The following POU2F3 variants were observed in gnomAD, a reference collection of about 807,000 sequenced individuals.
POU2F3 encodes POU class 2 homeobox 3.
POU2F3 carries 23 observed loss-of-function variants against 59.2 expected under a neutral mutation model. The ratio of observed to expected loss-of-function variants is 0.39; its 90% CI spans 0.28 to 0.55. The LOEUF is 0.55. Ranked by LOEUF, POU2F3 falls within the 20% of genes least tolerant of loss-of-function variation. The pLI, the probability that POU2F3 is intolerant of heterozygous loss-of-function variation, is 0.66. For missense variants in POU2F3, 473 were observed against 544.5 expected, an observed-to-expected ratio of 0.87 and a Z score of 1.31; for synonymous variants, 190 against 214.6, an observed-to-expected ratio of 0.89 and a Z score of 1.00.
rs1245440435 is a variant in POU2F3, at chr11:120,319,366, G to C, written c.*974G>C. 4 of 152,030 alleles carry C rather than the reference G, an allele frequency of 2.6e-5. No homozygotes were observed. The highest frequency in any genetic ancestry group is 5.9e-5 in the Non-Finnish European group (4 of 67,926). 9.4% of individuals were successfully genotyped at this position (152,030 alleles called of 1,614,324 possible). A position where few individuals can be genotyped will look rare whatever the true frequency, so the allele number is the denominator to read the frequency against. On this transcript the variant is annotated 3_prime_UTR_variant, in exon 13 of 13. Transcript: ENST00000543440. ...AATATTTTATCTTCTTTAAAAAAAA[G>C]GGGGGGAAATACCAAAGTGTGAAAT...
rs529733082 is a variant in POU2F3, at chr11:120,316,921, T to C, written c.1136-308T>C. The stretch of plus-strand genomic sequence containing the variant: ...GGTCTGGGGCTGCATGTGCCCAGCC[T>C]AGGGTGTGTCCTAGAGTAGGATGAT... On this transcript the variant is annotated intron_variant, in intron 11 of 12. Transcript: ENST00000543440. Among the ~76,000 whole-genome samples the C allele has an allele frequency of 7.3e-3, 1,110 of 152,306 alleles. 13 individuals carry two copies. Among genetic ancestry groups the C allele is most frequent in the African/African-American group, 0.025 (1,055 of 41,566 alleles).
intron 3 of POU2F3, among the ~76,000 whole-genome samples, chr11:120,270,476 GT>G (rs1940015115): frequency 6.6e-6 from 1 of 152,200 alleles, no homozygotes; most frequent in African/African-American, 2.4e-5. Context: ...ATCTGAGTCT[GT>G]CTCTGAAGGA....
chr11:120,246,624 C>A, intron 2 of POU2F3, 107 bp downstream of exon 2: 1 of 1,191,908 alleles, frequency 8.4e-7, no homozygotes, highest in Non-Finnish European at 1.2e-6. Flanking sequence ...GCCAACCAGA[C>A]CCCAAAGCTA....
intron 2 of POU2F3, among the ~76,000 whole-genome samples, chr11:120,263,580 T>A (rs1939696297): frequency 6.6e-6 from 1 of 152,270 alleles, no homozygotes; most frequent in African/African-American, 2.4e-5. Flanking sequence ...ACTCAATTTT[T>A]TTCTGCGTCA....
Position 120,299,768 on chromosome 11 carries a change from A to G in POU2F3, c.361+42A>G, listed in dbSNP as rs12269875. On this transcript the variant is annotated intron_variant, in intron 5 of 12. Transcript: ENST00000543440. Reference sequence around the variant, plus strand: ...TTTCCACCTAGACCAAGTCCAGTCAAGTGCTGCTGTTGCTGCTGTTTTTTG... The same window carrying G: ...TTTCCACCTAGACCAAGTCCAGTCAGGTGCTGCTGTTGCTGCTGTTTTTTG... The G allele has an allele frequency of 7.7e-3, 11,899 of 1,547,866 alleles. 669 individuals carry two copies. The African/African-American group carries it at 0.13, about 17-fold the overall frequency.
chr11:120,251,317 C>G (rs982058053), intron 2 of POU2F3, among the ~76,000 whole-genome samples: 1 of 152,184 alleles, frequency 6.6e-6, no homozygotes, highest in African/African-American at 2.4e-5. Context: ...CCTGTGCGTG[C>G]GCACACACAC....
chr11:120,260,317 C>CAG (rs1939540521), intron 2 of POU2F3, among the ~76,000 whole-genome samples: 2 of 152,180 alleles, frequency 1.3e-5, no homozygotes, highest in African/African-American at 4.8e-5. Context: ...GCAGGACCCT[C>CAG]CTAGGGGCCC....
chr11:120,307,280 C>T (rs757391389), intron 8 of POU2F3, among the ~76,000 whole-genome samples, 199 bp from the exon 9 acceptor site: 3 of 152,180 alleles, frequency 2.0e-5, no homozygotes, highest in Non-Finnish European at 4.4e-5. Context: ...CAATGGAGGG[C>T]CACGGAGGGC....
intron 2 of POU2F3, among the ~76,000 whole-genome samples, chr11:120,249,441 C>T (rs1939008330): frequency 6.6e-6 from 1 of 152,188 alleles, no homozygotes; most frequent in Admixed American, 6.5e-5. Flanking sequence ...GAACTCCTGG[C>T]TCAAGGGATT....
intron 2 of POU2F3, among the ~76,000 whole-genome samples, chr11:120,263,680 T>C (rs1939700808): frequency 6.6e-6 from 1 of 152,232 alleles, no homozygotes; most frequent in Non-Finnish European, 1.5e-5. Context: ...TCTGAGGCTA[T>C]GTGTGGCCTC....
chr11:120,266,154 G>A (rs1939819242), intron 2 of POU2F3, among the ~76,000 whole-genome samples: 2 of 152,094 alleles, frequency 1.3e-5, no homozygotes, highest in African/African-American at 2.4e-5. Flanking sequence ...TCTTCCCCAA[G>A]TCACCCCATC....
chr11:120,271,109 C>T (rs564667461), intron 3 of POU2F3, among the ~76,000 whole-genome samples: 1 of 152,290 alleles, frequency 6.6e-6, no homozygotes, highest in South Asian at 2.1e-4. Flanking sequence ...GCAAATTCTG[C>T]AGTTTTATTC....
intron 10 of POU2F3, among the ~76,000 whole-genome samples, chr11:120,311,200 C>G (rs1287025019): frequency 6.6e-6 from 1 of 152,128 alleles, no homozygotes; most frequent in African/African-American, 2.4e-5. Flanking sequence ...GTACACAATG[C>G]TAAGGAACTG....
In POU2F3 at chr11:120,299,668, C is replaced by T. The variant is rs746498774; in HGVS notation, c.303C>T (p.Pro101=). ...LHPLQQLVLV[P]GHLQSVSQFL... Reference sequence around the variant, plus strand: ...CGCTCCAGCAGCTTGTGCTGGTTCCCGGCCACTTACAGTCTGTATCCCAGT... The same window carrying T: ...CGCTCCAGCAGCTTGTGCTGGTTCCTGGCCACTTACAGTCTGTATCCCAGT... The change falls in exon 5 of 13, where the codon CCC becomes CCT. Residue 101 remains proline, a synonymous_variant. Transcript: ENST00000543440. 6.1e-5 allele frequency: 98 copies of T among 1,613,834 alleles called. 2 individuals carry two copies. The South Asian group carries it at 8.6e-4, about 14-fold the overall frequency.
At position 120,240,228 on chromosome 11, in the gene POU2F3, C is replaced by T. The variant is rs1441511562; in HGVS notation, c.-116C>T. 3.7e-5 allele frequency: 46 copies of T among 1,247,046 alleles called. No individual in the cohort carries two copies. The highest frequency in any genetic ancestry group is 4.5e-5 in the Non-Finnish European group (45 of 989,072). 77.2% of individuals were successfully genotyped at this position (1,247,046 alleles called of 1,614,324 possible). A position where few individuals can be genotyped will look rare whatever the true frequency, so the allele number is the denominator to read the frequency against. On this transcript the variant is annotated 5_prime_UTR_variant, in exon 1 of 13. Coordinates refer to ENST00000543440, the MANE Select transcript of POU2F3 (RefSeq NM_014352.4). ...GCGGCGACGGCTCCGGCAGCGGCTC[C>T]CGCGGCGGCGGCGGCCGGGAACTGG...
At chr11:120,273,433 G>C (rs1279937502) in intron 3 of POU2F3, among the ~76,000 whole-genome samples, 1 of 152,202 alleles carries the variant, frequency 6.6e-6, no homozygotes, top group Non-Finnish European at 1.5e-5. Flanking sequence ...CTAGCAGAGA[G>C]GGTTGGCAGG....
intron 2 of POU2F3, chr11:120,253,700 G>T (rs1247734235): frequency 6.6e-6 from 1 of 152,306 alleles, no homozygotes; most frequent in Admixed American, 6.5e-5. Context: ...GGAGAACCAG[G>T]GACAGAGGAC....
At chr11:120,251,024 G>T (rs767966202) in intron 2 of POU2F3, among the ~76,000 whole-genome samples, 2 of 152,082 alleles carry the variant, frequency 1.3e-5, no homozygotes, top group African/African-American at 2.4e-5. Context: ...CTAGAGTGTG[G>T]TAGGGTGATC....
chr11:120,251,561 C>T (rs1209665496), intron 2 of POU2F3, among the ~76,000 whole-genome samples: 1 of 152,130 alleles, frequency 6.6e-6, no homozygotes, highest in Admixed American at 6.5e-5. Context: ...TGGCTCCATC[C>T]CTCACCTCTC....
Sources: allele counts gnomAD v4.1 joint callset (sites outside exome capture counted in the v4.1 genomes callset), GRCh38; gene constraint gnomAD v4.1.1; transcripts MANE v1.5; gene names NCBI Gene and HGNC (gene_info 2026-07-23, HGNC 2026-07-21).